The following SH3RF2 variants were observed in gnomAD, a reference collection of about 807,000 sequenced individuals.
SH3RF2 encodes SH3 domain containing ring finger 2, also known as E3 ubiquitin-protein ligase SH3RF2.
SH3RF2 carries 43 observed loss-of-function variants against 59.0 expected under a neutral mutation model. That is an observed-to-expected ratio of 0.73 (90% CI 0.57 to 0.94). The LOEUF is 0.94. Among genes scored for constraint, SH3RF2 ranks in the 40% least tolerant of loss-of-function variants. SH3RF2 has a pLI of 0.00. For synonymous variants in SH3RF2, 391 were observed against 391.5 expected (o/e 1.00, Z 0.01); for missense variants, 930 against 940.1 (o/e 0.99, Z 0.14).
chr5:145,964,453 C>T (rs1250748856), intron 2 of SH3RF2, among the ~76,000 whole-genome samples: 4 of 151,866 alleles, frequency 2.6e-5, no homozygotes, highest in East Asian at 1.9e-4. Context: ...ATCACAGACG[C>T]GCCCCACCAC....
chr5:146,071,113 A>G (rs1311635209), intron 9 of SH3RF2, among the ~76,000 whole-genome samples: 1 of 152,214 alleles, frequency 6.6e-6, no homozygotes, highest in African/African-American at 2.4e-5. Context: ...TGTGAAGGCT[A>G]TTTGCATTCA....
intron 2 of SH3RF2, among the ~76,000 whole-genome samples, chr5:145,998,188 CTG>C: frequency 6.6e-6 from 1 of 150,732 alleles, no homozygotes; most frequent in Non-Finnish European, 1.5e-5. Context: ...AACACACAAA[CTG>C]TGAATGCAAT....
chr5:146,025,571 T>C (rs1761500459), intron 5 of SH3RF2, among the ~76,000 whole-genome samples: 1 of 152,256 alleles, frequency 6.6e-6, no homozygotes. Context: ...ATACCAGTTT[T>C]ATTTTCCTGT....
rs367656068 is a variant in SH3RF2 at position 145,949,021 on chromosome 5, G to A, written c.378+10715G>A. 4.1e-4 allele frequency among the ~76,000 whole-genome samples: 63 copies of A among 152,302 alleles called. No individual in the cohort carries two copies. The South Asian group carries it at 6.8e-3, about 17-fold the overall frequency. On this transcript the variant is annotated intron_variant, in intron 2 of 9. Transcript: ENST00000359120. Reference sequence around the variant, plus strand: ...AACTGCGGTTAGATTAGCCAGCCTCGTGGCTGAGCTCCTGGTATCTTCCCT... The same window carrying A: ...AACTGCGGTTAGATTAGCCAGCCTCATGGCTGAGCTCCTGGTATCTTCCCT...
intron 5 of SH3RF2, among the ~76,000 whole-genome samples, chr5:146,029,524 T>A (rs1356725072): frequency 6.6e-6 from 1 of 152,180 alleles, no homozygotes; most frequent in African/African-American, 2.4e-5. Flanking sequence ...GGTGATTCCA[T>A]ATCATTCTAT....
At chr5:145,973,804 A>G (rs1007878012) in intron 2 of SH3RF2, among the ~76,000 whole-genome samples, 7 of 152,234 alleles carry the variant, frequency 4.6e-5, no homozygotes, top group Non-Finnish European at 1.0e-4. Context: ...TGATTATGGA[A>G]TTAGTGAATT....
At chr5:146,035,154 G>A (rs1467228206) in intron 5 of SH3RF2, among the ~76,000 whole-genome samples, 1 of 151,092 alleles carries the variant, frequency 6.6e-6, no homozygotes, top group Non-Finnish European at 1.5e-5. Flanking sequence ...GGGTGGTGGT[G>A]GTAGGCGATT....
intron 2 of SH3RF2, among the ~76,000 whole-genome samples, chr5:145,960,693 G>A (rs1758597627): frequency 6.6e-6 from 1 of 152,168 alleles, no homozygotes; most frequent in Non-Finnish European, 1.5e-5. Context: ...ATTTCTTTCT[G>A]TGGTGGGTGG....
intron 4 of SH3RF2, among the ~76,000 whole-genome samples, chr5:146,013,137 T>G (rs1760971843): frequency 6.6e-6 from 1 of 152,194 alleles, no homozygotes; most frequent in Middle Eastern, 3.2e-3. Flanking sequence ...CAAACACTTA[T>G]GAAATGTATA....
intron 5 of SH3RF2, among the ~76,000 whole-genome samples, chr5:146,037,368 C>T (rs1484506806): frequency 1.3e-5 from 2 of 152,172 alleles, no homozygotes; most frequent in East Asian, 3.8e-4. Flanking sequence ...TGCATAGTGC[C>T]TCAAGAAGCT....
intron 5 of SH3RF2, among the ~76,000 whole-genome samples, chr5:146,039,498 AC>A (rs1411629925): frequency 1.3e-5 from 2 of 152,074 alleles, no homozygotes; most frequent in African/African-American, 4.8e-5. Context: ...AAAAAAAAAA[AC>A]AAACTAAAGC....
At chr5:145,975,187 T>C (rs1162301202) in intron 2 of SH3RF2, among the ~76,000 whole-genome samples, 1 of 152,216 alleles carries the variant, frequency 6.6e-6, no homozygotes, top group Non-Finnish European at 1.5e-5. Flanking sequence ...TCGTTTGCAA[T>C]GTCCTGTTCT....
intron 2 of SH3RF2, among the ~76,000 whole-genome samples, chr5:145,969,090 A>G (rs1758968798): frequency 6.6e-6 from 1 of 152,168 alleles, no homozygotes; most frequent in African/African-American, 2.4e-5. Flanking sequence ...CTTACTTGCT[A>G]TCAGGGACTC....
intron 9 of SH3RF2, 144 bp from the exon 10 acceptor site, chr5:146,062,282 C>T: frequency 9.7e-7 from 1 of 1,028,928 alleles, no homozygotes; most frequent in Admixed American, 2.3e-5. Flanking sequence ...CTTGTACTTC[C>T]CCCATCTTAG....
chr5:146,019,460 T>C (rs1025416396), intron 5 of SH3RF2, among the ~76,000 whole-genome samples: 4 of 152,212 alleles, frequency 2.6e-5, no homozygotes, highest in African/African-American at 9.6e-5. Context: ...TTCTATTCCA[T>C]TGGTCTATGT....
chr5:146,023,981 T>A (rs1486394165), intron 5 of SH3RF2, among the ~76,000 whole-genome samples: 1 of 152,262 alleles, frequency 6.6e-6, no homozygotes, highest in Non-Finnish European at 1.5e-5. Flanking sequence ...TGTATGAATA[T>A]ACCACATTTT....
At chr5:146,054,496 C>G (rs1762600930) in intron 7 of SH3RF2, among the ~76,000 whole-genome samples, 1 of 152,222 alleles carries the variant, frequency 6.6e-6, no homozygotes, top group Non-Finnish European at 1.5e-5. Flanking sequence ...GAAGCCAATG[C>G]TGGAGATTTC....
chr5:146,001,997 G>A (rs936191903), intron 3 of SH3RF2, among the ~76,000 whole-genome samples: 1 of 152,098 alleles, frequency 6.6e-6, no homozygotes, highest in Admixed American at 6.5e-5. Context: ...TTTATTCAAC[G>A]TCATGTATTT....
chr5:146,034,255 C>A (rs1761847098), intron 5 of SH3RF2, among the ~76,000 whole-genome samples: 1 of 152,168 alleles, frequency 6.6e-6, no homozygotes, highest in South Asian at 2.1e-4. Flanking sequence ...CATTAATTGC[C>A]CAAACAGCCT....
Sources: gnomAD v4.1 joint callset for allele counts (sites outside exome capture counted in the v4.1 genomes callset) on GRCh38, gnomAD v4.1.1 for gene constraint, MANE v1.5 for transcripts, NCBI Gene and HGNC (gene_info 2026-07-23, HGNC 2026-07-21) for gene names.